The following BNC2 variants were observed in gnomAD, a reference collection of about 807,000 sequenced individuals.
The protein encoded by BNC2 is zinc finger protein basonuclin-2.
BNC2 carries 20 observed loss-of-function variants against 76.3 expected under a neutral mutation model. The observed-to-expected ratio is 0.26, with a 90% CI of 0.18 to 0.38. The LOEUF (loss-of-function observed/expected upper bound fraction) is 0.38. Ranked by LOEUF, BNC2 falls within the 10% of genes least tolerant of loss-of-function variation. The pLI is 1.00. For synonymous variants in BNC2, 582 were observed against 514.8 expected, an observed-to-expected ratio of 1.13 and a Z score of -1.77; for missense variants, 1,382 against 1,399.8, an observed-to-expected ratio of 0.99 and a Z score of 0.20.
At chr9:16,524,046 T>G (rs978746496) in intron 5 of BNC2, among the ~76,000 whole-genome samples, 10 of 152,346 alleles carry the variant, frequency 6.6e-5, no homozygotes, top group African/African-American at 2.4e-4. Flanking sequence ...GAGATTATGC[T>G]GTGAAATAAG....
At chr9:16,642,804 A>G (rs1052387512) in intron 3 of BNC2, among the ~76,000 whole-genome samples, 42 of 152,330 alleles carry the variant, frequency 2.8e-4, no homozygotes, top group African/African-American at 9.4e-4. Flanking sequence ...ATGAAAAGCA[A>G]TAATCAAATC....
chr9:16,723,894 T>A (rs1824239730), intron 3 of BNC2, among the ~76,000 whole-genome samples: 1 of 152,064 alleles, frequency 6.6e-6, no homozygotes, highest in African/African-American at 2.4e-5. Context: ...CTACTAATAA[T>A]ATTTGCATGA....
At chr9:16,481,245 C>G (rs1409823334) in intron 5 of BNC2, among the ~76,000 whole-genome samples, 1 of 152,080 alleles carries the variant, frequency 6.6e-6, no homozygotes, top group Non-Finnish European at 1.5e-5. Context: ...TCGGCTCTAC[C>G]AATCAGCAGG....
At position 16,539,653 on chromosome 9, in the gene BNC2, G is replaced by C. The variant is rs182118532; in HGVS notation, c.669+12877C>G. Among the ~76,000 whole-genome samples, 404 of 40,944 alleles carry C rather than the reference G, an allele frequency of 9.9e-3. 7 individuals carry two copies. The highest frequency in any genetic ancestry group is 0.044 in the African/African-American group (387 of 8,704). The allele number at this position is 40,944 out of a possible 152,430, so 26.9% of individuals were successfully genotyped here. ...AGGGAGCGAGGGAGGGAGAGAGAGA[G>C]AGAAGGGAGGGAGGGAGGGAGGGAG... On this transcript the variant is annotated intron_variant, in intron 5 of 6. Transcript: ENST00000380672.
intron 1 of BNC2, among the ~76,000 whole-genome samples, chr9:16,810,325 G>C (rs1450473966): frequency 1.3e-5 from 2 of 152,172 alleles, no homozygotes; most frequent in Non-Finnish European, 2.9e-5. Context: ...TGAGACACAA[G>C]ACAGGCATTC....
chr9:16,721,790 A>G (rs1176434544), intron 3 of BNC2, among the ~76,000 whole-genome samples: 1 of 152,166 alleles, frequency 6.6e-6, no homozygotes, highest in African/African-American at 2.4e-5. Context: ...CTACAACCAC[A>G]AAGTTCTCTG....
chr9:16,710,358 A>AT (rs1315441813), intron 3 of BNC2, among the ~76,000 whole-genome samples: 3 of 152,224 alleles, frequency 2.0e-5, no homozygotes, highest in Admixed American at 6.5e-5. Flanking sequence ...AGAGATTGAA[A>AT]TTATAAGTAA....
chr9:16,788,291 C>T (rs573356013), intron 1 of BNC2, among the ~76,000 whole-genome samples: 28 of 152,174 alleles, frequency 1.8e-4, no homozygotes, highest in Middle Eastern at 3.4e-3. Flanking sequence ...CGGTGGCTCA[C>T]GCCTGTAATC....
At chr9:16,519,980 C>T (rs926726405) in intron 5 of BNC2, among the ~76,000 whole-genome samples, 3 of 152,140 alleles carry the variant, frequency 2.0e-5, no homozygotes, top group East Asian at 1.9e-4. Flanking sequence ...CATGGCAAGG[C>T]CCAGAATCCA....
At chr9:16,678,267 CT>C (rs140809930) in intron 3 of BNC2, among the ~76,000 whole-genome samples, 3,898 of 80,538 alleles carry the variant, frequency 0.048, 32 homozygotes, top group African/African-American at 0.11. Context: ...CTTTCTTTTT[CT>C]TTTTTTTTTT....
chr9:16,519,057 G>C (rs904562858), intron 5 of BNC2, among the ~76,000 whole-genome samples: 3 of 152,218 alleles, frequency 2.0e-5, no homozygotes, highest in Non-Finnish European at 4.4e-5. Context: ...TTTTTAGAAA[G>C]AGACAGAGGT....
At chr9:16,802,710 T>C (rs1446499618) in intron 1 of BNC2, among the ~76,000 whole-genome samples, 1 of 152,182 alleles carries the variant, frequency 6.6e-6, no homozygotes, top group Non-Finnish European at 1.5e-5. Context: ...AACACACTAT[T>C]TGAAATTCCA....
At chr9:16,582,368 G>A (rs992477176) in intron 4 of BNC2, among the ~76,000 whole-genome samples, 5 of 151,942 alleles carry the variant, frequency 3.3e-5, no homozygotes, top group African/African-American at 9.7e-5. Flanking sequence ...TATCCTTCGC[G>A]TGGGGTCTCC....
intron 3 of BNC2, among the ~76,000 whole-genome samples, chr9:16,702,790 C>G (rs991248294): frequency 2.0e-5 from 3 of 152,104 alleles, no homozygotes; most frequent in Non-Finnish European, 2.9e-5. Flanking sequence ...TTTCATTTTC[C>G]TGACAATCTG....
chr9:16,749,351 G>C (rs1391322871), intron 1 of BNC2, among the ~76,000 whole-genome samples: 1 of 152,124 alleles, frequency 6.6e-6, no homozygotes, highest in Non-Finnish European at 1.5e-5. Flanking sequence ...AGCAATTTGA[G>C]CCAAGATTCT....
intron 1 of BNC2, among the ~76,000 whole-genome samples, chr9:16,767,872 T>C (rs577831313): frequency 6.6e-6 from 1 of 152,152 alleles, no homozygotes; most frequent in Non-Finnish European, 1.5e-5. Flanking sequence ...ATGACATTAT[T>C]TCACTAGTGA....
chr9:16,537,271 C>G (rs1189924539), intron 5 of BNC2, among the ~76,000 whole-genome samples: 1 of 152,092 alleles, frequency 6.6e-6, no homozygotes, highest in Non-Finnish European at 1.5e-5. Context: ...CTGTAAAAGT[C>G]TGGTGTTATG....
chr9:16,775,225 C>T (rs536906477), intron 1 of BNC2, among the ~76,000 whole-genome samples: 2 of 152,186 alleles, frequency 1.3e-5, no homozygotes, highest in East Asian at 1.9e-4. Flanking sequence ...CAAGTTTAAT[C>T]GCTTTTTGAG....
chr9:16,850,691 A>G (rs958144518), intron 1 of BNC2, among the ~76,000 whole-genome samples: 1 of 152,172 alleles, frequency 6.6e-6, no homozygotes, highest in African/African-American at 2.4e-5. Flanking sequence ...ACAATACCTC[A>G]GGAAGCTGAG....
Sources: gnomAD v4.1 joint callset for allele counts (sites outside exome capture counted in the v4.1 genomes callset) on GRCh38, gnomAD v4.1.1 for gene constraint, MANE v1.5 for transcripts, NCBI Gene and HGNC (gene_info 2026-07-23, HGNC 2026-07-21) for gene names.